Variants in ARMH4 observed in about 807,000 individuals in gnomAD.
ARMH4 encodes the protein armadillo like helical domain containing 4.
A neutral mutation model predicts 61.9 loss-of-function variants in ARMH4; 49 were observed. The ratio of observed to expected loss-of-function variants is 0.79; its 90% CI spans 0.63 to 1.00. The LOEUF (loss-of-function observed/expected upper bound fraction) is 1.00. Among genes scored for constraint, ARMH4 ranks in the 50% least tolerant of loss-of-function variants. The pLI is 0.00. For synonymous variants in ARMH4, 368 were observed against 341.5 expected, an observed-to-expected ratio of 1.08 and a Z score of -0.85; for missense variants, 934 against 930.0, an observed-to-expected ratio of 1.00 and a Z score of -0.06.
rs761924163 is a variant in ARMH4, at chr14:58,133,344, TA to T, written c.1370-4del. ...TGTCATCTCTTGAGTGATGATGTCTTAAAGGGGGGAAAACATTTAAAAATAG... is the reference window on the plus strand; with the variant it reads ...TGTCATCTCTTGAGTGATGATGTCTTAAGGGGGGAAAACATTTAAAAATAG... On this transcript the variant is annotated splice_region_variant and splice_polypyrimidine_tract_variant and intron_variant, in intron 2 of 7. Coordinates refer to ENST00000267485, the MANE Select transcript of ARMH4 (RefSeq NM_001001872.4). 1.3e-6 allele frequency: 2 copies of T among 1,596,692 alleles called. No homozygotes were observed. Among genetic ancestry groups the T allele is most frequent in the South Asian group, 2.2e-5 (2 of 89,988 alleles).
intron 5 of ARMH4, among the ~76,000 whole-genome samples, chr14:58,075,384 G>A (rs989144936): frequency 2.6e-5 from 4 of 152,176 alleles, no homozygotes; most frequent in Non-Finnish European, 5.9e-5. Context: ...ACTGGATAAA[G>A]AAAATATGGC....
intron 5 of ARMH4, among the ~76,000 whole-genome samples, chr14:58,042,514 A>G (rs1319783614): frequency 2.0e-5 from 3 of 152,162 alleles, no homozygotes; most frequent in Non-Finnish European, 4.4e-5. Context: ...TCTAAAATTG[A>G]CACCCTAACA....
chr14:58,081,518 T>A (rs2141243108), intron 5 of ARMH4, among the ~76,000 whole-genome samples: 1 of 152,064 alleles, frequency 6.6e-6, no homozygotes, highest in East Asian at 1.9e-4. Flanking sequence ...TTTTTTTTTT[T>A]TAGACGGAAT....
intron 5 of ARMH4, among the ~76,000 whole-genome samples, chr14:58,083,464 T>C (rs1196328870): frequency 6.6e-6 from 1 of 151,982 alleles, no homozygotes; most frequent in Non-Finnish European, 1.5e-5. Context: ...GTGCCTGTAG[T>C]CCCAGCTACT....
Position 58,096,945 on chromosome 14 carries a change from T to G in ARMH4, c.1868A>C (p.Asp623Ala), listed in dbSNP as rs767129929. The change falls in exon 5 of 8, where the codon GAT (aspartate) becomes GCT (alanine). Residue 623 changes from aspartate (D) to alanine (A), a missense_variant. Physicochemically the swap from Asp to Ala is moderately radical, Grantham distance 126. Transcript: ENST00000267485. Reference sequence around the variant, plus strand: ...CTCATCTTCCTCTTCTTCATCTTCATCTTCTTCATCCTCTTCATCCTCATC... The same window carrying G: ...CTCATCTTCCTCTTCTTCATCTTCAGCTTCTTCATCCTCTTCATCCTCATC... ...QEDEDEEDEE[D>A]EDEEEEDEEE... 1 of 1,613,404 alleles carries G rather than the reference T, an allele frequency of 6.2e-7. No homozygotes were observed. Among genetic ancestry groups the G allele is most frequent in the South Asian group, 1.1e-5 (1 of 91,062 alleles).
chr14:58,052,559 T>C (rs1170444310), intron 5 of ARMH4, among the ~76,000 whole-genome samples: 1 of 152,180 alleles, frequency 6.6e-6, no homozygotes, highest in African/African-American at 2.4e-5. Flanking sequence ...TCCTTTCCAT[T>C]GGCTTCTGTG....
At chr14:58,114,138 T>C (rs1286625041) in intron 4 of ARMH4, among the ~76,000 whole-genome samples, 1 of 152,206 alleles carries the variant, frequency 6.6e-6, no homozygotes. Flanking sequence ...GGTTCTAATC[T>C]GTGGGAAACC....
rs958550408 is a variant in ARMH4, at chr14:58,138,625, C to T, written c.734G>A (p.Ser245Asn). The change falls in exon 2 of 8, where the codon AGT becomes AAT. Residue 245 changes from serine to asparagine, a missense_variant. Transcript: ENST00000267485. ...ATCAGGGGTGAGGCTTCCAGGCTCA[C>T]TGCCTGCTGTGGACTCAGCACCAGG... ...SFPGAESTAG[S>N]EPGSLTPDKE... 4 of 1,614,196 alleles carry T rather than the reference C, an allele frequency of 2.5e-6. No homozygotes were observed. The highest frequency in any genetic ancestry group is 2.5e-6 in the Non-Finnish European group (3 of 1,180,018).
chr14:58,005,224 C>A (rs201221914), intron 6 of ARMH4, 42 bp from the exon 7 acceptor site: 1 of 1,612,192 alleles, frequency 6.2e-7, no homozygotes, highest in Non-Finnish European at 8.5e-7. Flanking sequence ...CTAAACAGAG[C>A]GCGCCGCCCT....
chr14:58,001,592 G>T lies in ARMH4; in HGVS notation c.*3144C>A, dbSNP rs1324314602. 1 of 152,038 alleles carries T rather than the reference G, an allele frequency of 6.6e-6. No individual in the cohort carries two copies. The highest frequency in any genetic ancestry group is 2.4e-5 in the African/African-American group (1 of 41,384). 9.4% of individuals were successfully genotyped at this position (152,038 alleles called of 1,614,324 possible). ...TTATATTTTGTTTTATTGAATAATAGCCATCCCAATAGGTGTGAGGTGGTA... is the reference window on the plus strand; with the variant it reads ...TTATATTTTGTTTTATTGAATAATATCCATCCCAATAGGTGTGAGGTGGTA... On this transcript the variant is annotated 3_prime_UTR_variant, in exon 8 of 8. Transcript: ENST00000267485.
chr14:58,077,079 C>G (rs1039658587), intron 5 of ARMH4, among the ~76,000 whole-genome samples: 3 of 152,102 alleles, frequency 2.0e-5, no homozygotes, highest in Non-Finnish European at 4.4e-5. Context: ...CAGTCATAAG[C>G]CCAATGAGGG....
At chr14:58,118,162 C>T (rs1053773795) in intron 4 of ARMH4, among the ~76,000 whole-genome samples, 2 of 152,104 alleles carry the variant, frequency 1.3e-5, no homozygotes, top group Admixed American at 6.6e-5. Context: ...AACTTCATAG[C>T]TCCCTGTTTA....
intron 5 of ARMH4, among the ~76,000 whole-genome samples, chr14:58,038,892 G>C (rs1469461428): frequency 6.6e-6 from 1 of 152,178 alleles, no homozygotes; most frequent in Non-Finnish European, 1.5e-5. Flanking sequence ...TTTACCCTTA[G>C]AGTTCATGGA....
At chr14:58,103,134 G>A (rs1194451941) in intron 4 of ARMH4, among the ~76,000 whole-genome samples, 13 of 141,730 alleles carry the variant, frequency 9.2e-5, no homozygotes, top group Non-Finnish European at 1.1e-4. Flanking sequence ...ACTCCATCTC[G>A]AAAAAAAAAA....
intron 5 of ARMH4, among the ~76,000 whole-genome samples, chr14:58,066,760 G>A (rs939972940): frequency 9.2e-5 from 14 of 152,108 alleles, no homozygotes; most frequent in Non-Finnish European, 7.3e-5. Flanking sequence ...ATATTTCATG[G>A]ATCTTGAAAG....
intron 5 of ARMH4, among the ~76,000 whole-genome samples, chr14:58,033,031 G>A (rs1236332345): frequency 2.2e-5 from 2 of 91,802 alleles, no homozygotes; most frequent in Non-Finnish European, 4.6e-5. Flanking sequence ...CGGGAACCTC[G>A]AACTGGGTGG....
At chr14:58,050,367 C>T (rs1884095643) in intron 5 of ARMH4, among the ~76,000 whole-genome samples, 2 of 152,220 alleles carry the variant, frequency 1.3e-5, no homozygotes, top group South Asian at 2.1e-4. Context: ...GGACCACAGT[C>T]CTCAAAGCCC....
At chr14:58,064,748 AATG>A (rs1884646978) in intron 5 of ARMH4, among the ~76,000 whole-genome samples, 1 of 152,196 alleles carries the variant, frequency 6.6e-6, no homozygotes, top group Non-Finnish European at 1.5e-5. Flanking sequence ...AAAATAGATA[AATG>A]ATATTGTTGA....
intron 1 of ARMH4, among the ~76,000 whole-genome samples, 165 bp downstream of exon 1, chr14:58,151,910 A>G (rs1403935173): frequency 2.6e-5 from 4 of 152,106 alleles, no homozygotes; most frequent in Non-Finnish European, 4.4e-5. Flanking sequence ...CGCGCTCCGG[A>G]GGAGGATCGG....
Sources: gnomAD v4.1 joint callset for allele counts (sites outside exome capture counted in the v4.1 genomes callset) on GRCh38, gnomAD v4.1.1 for gene constraint, MANE v1.5 for transcripts, NCBI Gene and HGNC (gene_info 2026-07-23, HGNC 2026-07-21) for gene names.